The following SLC9B2 variants were observed in gnomAD, a reference collection of about 807,000 sequenced individuals.
The protein encoded by SLC9B2 is sodium/hydrogen exchanger 9B2.
A neutral mutation model predicts 52.2 loss-of-function variants in SLC9B2; 39 were observed. That is an observed-to-expected ratio of 0.75 (90% CI 0.58 to 0.98). The LOEUF (loss-of-function observed/expected upper bound fraction) is 0.98. Ranked by LOEUF, SLC9B2 falls within the 50% of genes least tolerant of loss-of-function variation. SLC9B2 has a pLI of 0.00. For synonymous variants in SLC9B2, 214 were observed against 227.0 expected, an observed-to-expected ratio of 0.94 and a Z score of 0.51; for missense variants, 626 against 637.5, an observed-to-expected ratio of 0.98 and a Z score of 0.19.
Position 103,024,757 on chromosome 4 carries a change from A to G in SLC9B2, c.*1613T>C, listed in dbSNP as rs1214605938. Among the ~76,000 whole-genome samples, 1 of 152,220 alleles carries G rather than the reference A, an allele frequency of 6.6e-6. No individual in the cohort carries two copies. The highest frequency in any genetic ancestry group is 1.5e-5 in the Non-Finnish European group (1 of 68,034). On this transcript the variant is annotated 3_prime_UTR_variant, in exon 12 of 12. Transcript: ENST00000394785. ...TGATAAAAACTGTAAACTGTATGTGAATGTGATTATTTCAGTAACTACACA... is the reference window on the plus strand; with the variant it reads ...TGATAAAAACTGTAAACTGTATGTGGATGTGATTATTTCAGTAACTACACA...
At chr4:103,041,109 AC>A (rs1261048819) in intron 9 of SLC9B2, among the ~76,000 whole-genome samples, 1 of 152,066 alleles carries the variant, frequency 6.6e-6, no homozygotes, top group Non-Finnish European at 1.5e-5. Flanking sequence ...ATATTATTTC[AC>A]CCCCAAATTT....
At chr4:103,048,832 C>T (rs1744401668) in intron 6 of SLC9B2, 61 bp downstream of exon 6, 2 of 1,577,836 alleles carry the variant, frequency 1.3e-6, no homozygotes, top group East Asian at 2.3e-5. Flanking sequence ...CTCTTGTATG[C>T]AATCAGGGAA....
intron 9 of SLC9B2, among the ~76,000 whole-genome samples, chr4:103,038,012 C>G (rs964726195): frequency 3.3e-5 from 5 of 151,920 alleles, no homozygotes; most frequent in African/African-American, 1.2e-4. Flanking sequence ...CAGGTGTGCA[C>G]CACCACACCC....
intron 2 of SLC9B2, among the ~76,000 whole-genome samples, 174 bp downstream of exon 2, chr4:103,067,287 C>T (rs984357302): frequency 1.6e-4 from 25 of 152,116 alleles, no homozygotes; most frequent in Non-Finnish European, 2.1e-4. Context: ...AGACACAAAG[C>T]GTTTCATAGG....
chr4:103,075,754 G>C (rs72943181), intron 1 of SLC9B2, among the ~76,000 whole-genome samples: 1 of 152,166 alleles, frequency 6.6e-6, no homozygotes, highest in Non-Finnish European at 1.5e-5. Context: ...AATATAAAAG[G>C]AGTTTGGGTT....
intron 3 of SLC9B2, among the ~76,000 whole-genome samples, chr4:103,061,566 G>A (rs949877540): frequency 1.3e-5 from 2 of 152,112 alleles, no homozygotes; most frequent in East Asian, 1.9e-4. Flanking sequence ...GTTAAATGAC[G>A]AGTTAATGGG....
At position 103,050,012 on chromosome 4, in the gene SLC9B2, C is replaced by CA. The variant is rs368672958; in HGVS notation, c.585+227dup. On this transcript the variant is annotated intron_variant, in intron 5 of 11. Transcript: ENST00000394785. ...TGGGTGACAGAGCGAGACTCTGTCT[C>CA]AAAAAAAAAAAAAAAGGAAGAAAAT... Among the ~76,000 whole-genome samples, 468 of 79,918 alleles carry CA rather than the reference C, an allele frequency of 5.9e-3. 1 individual carries two copies. Among genetic ancestry groups the CA allele is most frequent in the South Asian group, 8.2e-3 (21 of 2,576 alleles). 52.4% of individuals were successfully genotyped at this position (79,918 alleles called of 152,430 possible).
At position 103,023,710 on chromosome 4, in the gene SLC9B2, A is replaced by T. The variant is rs1741970406; in HGVS notation, c.*2660T>A. ...ATTTAGATGGTGGCTACCCTCTTAG[A>T]GGTAGAAAAGAGTTTGCTGCATGAC... On this transcript the variant is annotated 3_prime_UTR_variant, in exon 12 of 12. Transcript: ENST00000394785. Among the ~76,000 whole-genome samples, 1 of 152,198 alleles carries T rather than the reference A, an allele frequency of 6.6e-6. No individual in the cohort carries two copies. Among genetic ancestry groups the T allele is most frequent in the South Asian group, 2.1e-4 (1 of 4,832 alleles).
downstream of SLC9B2, among the ~76,000 whole-genome samples, chr4:103,020,683 C>T (rs542129949): frequency 1.6e-3 from 238 of 152,162 alleles, 1 homozygote; most frequent in African/African-American, 5.4e-3. Context: ...TCTATTACCC[C>T]GGCTGGAGTG....
rs1578435249 is a variant in SLC9B2, at chr4:103,026,441, TG to T, written c.1542del (p.Arg515GlyfsTer31). 2 of 1,613,960 alleles carry T rather than the reference TG, an allele frequency of 1.2e-6. No individual in the cohort carries two copies. The highest frequency in any genetic ancestry group is 1.1e-5 in the South Asian group (1 of 91,072). ...TGATGTTCAACTTTCTGCAGAAGCC[TG>T]GGGCCCAGTAAACCAATAAGCAGAC... ...IGSLLIGLLG[P>X]RLLQKVEHQN... On this transcript the variant is annotated frameshift_variant, in exon 12 of 12. Transcript: ENST00000394785.
At chr4:103,063,873 T>C (rs1210151412) in intron 3 of SLC9B2, among the ~76,000 whole-genome samples, 1 of 152,142 alleles carries the variant, frequency 6.6e-6, no homozygotes, top group Non-Finnish European at 1.5e-5. Flanking sequence ...CAATTTAAAA[T>C]GGGCAAAGAC....
chr4:103,056,922 A>G (rs1040079418), intron 4 of SLC9B2, among the ~76,000 whole-genome samples: 3 of 152,226 alleles, frequency 2.0e-5, no homozygotes, highest in African/African-American at 7.2e-5. Flanking sequence ...ATTTTTGCTT[A>G]TAAGATGAAA....
chr4:103,070,678 T>C (rs1746538572), intron 1 of SLC9B2, among the ~76,000 whole-genome samples: 2 of 152,180 alleles, frequency 1.3e-5, no homozygotes, highest in African/African-American at 4.8e-5. Context: ...CTGACCTCAG[T>C]GATCCACCCG....
At chr4:103,020,044 A>G, downstream of SLC9B2, 3 of 514,708 alleles carry the variant, frequency 5.8e-6, no homozygotes, top group South Asian at 1.6e-4. Flanking sequence ...GTCTCTCCCC[A>G]AGACGGCCTG....
Position 103,053,893 on chromosome 4 carries a change from C to T in SLC9B2, c.443-3511G>A, listed in dbSNP as rs559287286. ...TAATTTTTTGTATTTTTAGTAGAGA[C>T]GGGGTTTCATCATGTTGGGCAGGAT... On this transcript the variant is annotated intron_variant, in intron 4 of 11. Transcript: ENST00000394785. 3.9e-5 allele frequency among the ~76,000 whole-genome samples: 6 copies of T among 152,042 alleles called. No individual in the cohort carries two copies. The South Asian group carries it at 6.2e-4, about 16-fold the overall frequency.
chr4:103,050,395 A>G lies in SLC9B2; in HGVS notation c.443-13T>C. ...GCAAGCAGCATGCCTTGAACGAAGA[A>G]ATCAAACATATCTAGTTAGTTTTCA... On this transcript the variant is annotated splice_polypyrimidine_tract_variant and intron_variant, in intron 4 of 11. Coordinates refer to ENST00000394785, the MANE Select transcript of SLC9B2 (RefSeq NM_178833.7). The G allele has an allele frequency of 6.4e-7, 1 of 1,569,172 alleles. No homozygotes were observed. Among genetic ancestry groups the G allele is most frequent in the Non-Finnish European group, 8.6e-7 (1 of 1,161,200 alleles).
intron 9 of SLC9B2, among the ~76,000 whole-genome samples, chr4:103,039,139 T>C (rs975680094): frequency 1.3e-5 from 2 of 152,206 alleles, no homozygotes; most frequent in Non-Finnish European, 2.9e-5. Flanking sequence ...GCAAATGACT[T>C]GCTTGGGATT....
intron 7 of SLC9B2, among the ~76,000 whole-genome samples, chr4:103,046,139 A>G (rs1476319608): frequency 1.3e-5 from 2 of 152,212 alleles, no homozygotes; most frequent in East Asian, 3.8e-4. Context: ...ATCATACACA[A>G]TCACAGAATG....
At chr4:103,057,513 C>T (rs1306271087) in intron 4 of SLC9B2, among the ~76,000 whole-genome samples, 1 of 151,836 alleles carries the variant, frequency 6.6e-6, no homozygotes, top group African/African-American at 2.4e-5. Context: ...ACCATGTTTG[C>T]CCTGGCTGGT....
Sources: allele counts gnomAD v4.1 joint callset (sites outside exome capture counted in the v4.1 genomes callset), GRCh38; gene constraint gnomAD v4.1.1; transcripts MANE v1.5; gene names NCBI Gene and HGNC (gene_info 2026-07-23, HGNC 2026-07-21).